USP34: variants seen among roughly 807,000 people sequenced by gnomAD.
USP34 encodes ubiquitin specific peptidase 34.
A neutral mutation model predicts 460.3 loss-of-function variants in USP34; 70 were observed. The observed-to-expected ratio is 0.15, with a 90% CI of 0.13 to 0.19. USP34 has a LOEUF of 0.19. Among genes scored for constraint, USP34 ranks in the 10% least tolerant of loss-of-function variants. USP34 has a pLI of 1.00. For synonymous variants in USP34, 1,647 were observed against 1,405.3 expected, an observed-to-expected ratio of 1.17 and a Z score of -3.85; for missense variants, 3,985 against 4,236.2, an observed-to-expected ratio of 0.94 and a Z score of 1.65.
At chr2:61,371,825 G>C (rs895948961) in intron 8 of USP34, among the ~76,000 whole-genome samples, 7 of 151,952 alleles carry the variant, frequency 4.6e-5, no homozygotes, top group Admixed American at 4.6e-4. Context: ...TTTTTTGCAG[G>C]TTTTTTACAT....
intron 48 of USP34, among the ~76,000 whole-genome samples, chr2:61,254,535 C>T (rs886155887): frequency 3.9e-5 from 6 of 152,244 alleles, no homozygotes; most frequent in Non-Finnish European, 8.8e-5. Flanking sequence ...TTCTATTTCT[C>T]TGCATTCGTT....
intron 43 of USP34, among the ~76,000 whole-genome samples, chr2:61,262,008 C>T (rs1230698713): frequency 6.9e-6 from 1 of 145,624 alleles, no homozygotes; most frequent in African/African-American, 2.6e-5. Context: ...GGAGAACTGC[C>T]GGAACCCAGG....
chr2:61,366,531 G>A (rs1299510756), intron 10 of USP34, among the ~76,000 whole-genome samples: 8 of 152,146 alleles, frequency 5.3e-5, no homozygotes, highest in African/African-American at 1.2e-4. Flanking sequence ...TAAAGTAATT[G>A]CATGTAAATA....
At chr2:61,257,605 C>A (rs979627802) in intron 44 of USP34, among the ~76,000 whole-genome samples, 1 of 152,124 alleles carries the variant, frequency 6.6e-6, no homozygotes, top group African/African-American at 2.4e-5. Flanking sequence ...ATCTGAGACT[C>A]AAATGACTCA....
chr2:61,470,636 C>A lies in USP34; in HGVS notation c.43+14G>T, dbSNP rs202057970. ...AACCGTGCACCCCGACAGGCCGCTA[C>A]CGCGGCTACTTACTTTCATTTAACA... On this transcript the variant is annotated intron_variant, in intron 1 of 79. Transcript: ENST00000398571. 2 of 1,584,476 alleles carry A rather than the reference C, an allele frequency of 1.3e-6. No homozygotes were observed. Among genetic ancestry groups the A allele is most frequent in the Non-Finnish European group, 1.7e-6 (2 of 1,161,204 alleles).
At chr2:61,390,675 GTTA>G (rs1170731263) in intron 5 of USP34, among the ~76,000 whole-genome samples, 2 of 152,060 alleles carry the variant, frequency 1.3e-5, no homozygotes, top group African/African-American at 4.8e-5. Flanking sequence ...TGGGCTTGAC[GTTA>G]TTATCAGATT....
chr2:61,293,164 A>C (rs1177866851), intron 33 of USP34, among the ~76,000 whole-genome samples: 1 of 152,014 alleles, frequency 6.6e-6, no homozygotes, highest in Non-Finnish European at 1.5e-5. Context: ...CAAATTTTTA[A>C]AAAGCAACCA....
rs890387840 is a variant in USP34 at position 61,293,619 on chromosome 2, A to T, written c.4462-69T>A. 6 of 1,135,354 alleles carry T rather than the reference A, an allele frequency of 5.3e-6. No homozygotes were observed. The African/African-American group carries it at 7.7e-5, about 15-fold the overall frequency. The allele number at this position is 1,135,354 out of a possible 1,614,324, so 70.3% of individuals were successfully genotyped here. A position where few individuals can be genotyped will look rare whatever the true frequency, so the allele number is the denominator to read the frequency against. The stretch of plus-strand genomic sequence containing the variant: ...ATAATGCAATAATGCTTGTTGATTC[A>T]GTAACTGGATATGTAAAATATTACG... On this transcript the variant is annotated intron_variant, in intron 32 of 79. Transcript: ENST00000398571.
At chr2:61,291,561 CAAAG>C (rs930728886) in intron 33 of USP34, among the ~76,000 whole-genome samples, 3 of 152,082 alleles carry the variant, frequency 2.0e-5, no homozygotes, top group African/African-American at 7.3e-5. Context: ...AACATTTCAC[CAAAG>C]ATTTATGAAT....
In USP34 at chr2:61,348,042, TATC is replaced by T; in HGVS notation, c.2110_2112del (p.Asp704del). On this transcript the variant is annotated inframe_deletion, in exon 15 of 80. Transcript: ENST00000398571. ...TGAGTAGCATTCATTTCCCCTGAAA[TATC>T]ATGTTCTGGGTCTTCAGAGTGTGAA... 3.7e-6 allele frequency: 6 copies of T among 1,614,184 alleles called. No homozygotes were observed. The highest frequency in any genetic ancestry group is 5.1e-6 in the Non-Finnish European group (6 of 1,180,024).
At position 61,236,149 on chromosome 2, in the gene USP34, T is replaced by C. The variant is rs755088515; in HGVS notation, c.6918+12A>G. On this transcript the variant is annotated intron_variant, in intron 55 of 79. Transcript: ENST00000398571. ...TTTTGACAGAATTATTTAAAGTTCATATATTTATTACCTTTGCTGTCATTA... is the reference window on the plus strand; with the variant it reads ...TTTTGACAGAATTATTTAAAGTTCACATATTTATTACCTTTGCTGTCATTA... The C allele has an allele frequency of 5.0e-6, 8 of 1,602,752 alleles. No homozygotes were observed. The highest frequency in any genetic ancestry group is 3.5e-5 in the Admixed American group (2 of 57,196).
At chr2:61,262,126 TATATATAG>T (rs1361706861) in intron 43 of USP34, among the ~76,000 whole-genome samples, 4 of 126,750 alleles carry the variant, frequency 3.2e-5, no homozygotes, top group Middle Eastern at 4.1e-3. Context: ...AATATATATA[TATATATAG>T]ATAGATAGAT....
chr2:61,309,818 C>T (rs1690532160), intron 27 of USP34, among the ~76,000 whole-genome samples: 1 of 152,164 alleles, frequency 6.6e-6, no homozygotes, highest in South Asian at 2.1e-4. Context: ...TAGGATGTGT[C>T]TTAACTGCGC....
rs140976123 is a variant in USP34, at chr2:61,355,610, A to AAACAAC, written c.1252-4923_1252-4918dup. ...AGGAAATCGAACTGTTTCACTACAA[A>AAACAAC]AACAACAACAACAACAACAACAACA... On this transcript the variant is annotated intron_variant, in intron 10 of 79. Coordinates refer to ENST00000398571, the MANE Select transcript of USP34 (RefSeq NM_014709.4). 5.9e-5 allele frequency among the ~76,000 whole-genome samples: 9 copies of AAACAAC among 151,902 alleles called. No homozygotes were observed. The South Asian group carries it at 1.5e-3, about 25-fold the overall frequency.
intron 27 of USP34, among the ~76,000 whole-genome samples, chr2:61,306,264 A>G (rs1362646813): frequency 6.6e-6 from 1 of 152,146 alleles, no homozygotes; most frequent in Non-Finnish European, 1.5e-5. Context: ...TAAGGAAGGG[A>G]TCCAGTTTCA....
chr2:61,447,723 T>TA (rs1338543399), intron 1 of USP34, among the ~76,000 whole-genome samples: 2 of 152,184 alleles, frequency 1.3e-5, no homozygotes, highest in African/African-American at 4.8e-5. Context: ...TTCTTTTATT[T>TA]ATTTATTTAT....
At chr2:61,204,680 T>C (rs1466396464) in intron 72 of USP34, 79 bp from the exon 73 acceptor site, 3 of 1,139,440 alleles carry the variant, frequency 2.6e-6, no homozygotes, top group Admixed American at 1.8e-5. Flanking sequence ...ACAAATCCTA[T>C]GATTGCCTCA....
intron 76 of USP34, 53 bp from the exon 77 acceptor site, chr2:61,190,711 TACACGGAAAAA>T: frequency 2.6e-6 from 4 of 1,555,670 alleles, no homozygotes; most frequent in African/African-American, 1.4e-5. Flanking sequence ...GGAAAAAACT[TACACGGAAAAA>T]ACTTACACAG....
rs966630149 is a variant in USP34, at chr2:61,328,801, G to T, written c.2930+2475C>A. Among the ~76,000 whole-genome samples the T allele has an allele frequency of 3.3e-5, 5 of 152,242 alleles. No individual in the cohort carries two copies. The East Asian group carries it at 9.6e-4, about 29-fold the overall frequency. ...TGTTCCTTTTTGATACTTAACGTTG[G>T]ACTTTCTCTTTACGAGGATGATTCA... On this transcript the variant is annotated intron_variant, in intron 20 of 79. Transcript: ENST00000398571.
Sources: gnomAD v4.1 joint callset for allele counts (sites outside exome capture counted in the v4.1 genomes callset) on GRCh38, gnomAD v4.1.1 for gene constraint, MANE v1.5 for transcripts, NCBI Gene and HGNC (gene_info 2026-07-23, HGNC 2026-07-21) for gene names.